The following MMP26 variants were observed in gnomAD, a reference collection of about 807,000 sequenced individuals.
MMP26 encodes matrix metallopeptidase 26.
In MMP26, 33 loss-of-function variants were observed where a neutral mutation model predicts 31.0. The observed-to-expected ratio is 1.06, with a 90% CI of 0.81 to 1.42. MMP26 has a LOEUF of 1.42. Among genes scored for constraint, MMP26 ranks in the 40% most tolerant of loss-of-function variants. MMP26 has a pLI of 0.00. For missense variants in MMP26, 347 were observed against 316.1 expected (o/e 1.10, Z -0.74); for synonymous variants, 122 against 114.9 (o/e 1.06, Z -0.40).
At chr11:4,769,919 G>T (rs762191739) in intron 2 of MMP26, 17 of 1,556,898 alleles carry the variant, frequency 1.1e-5, no homozygotes, top group Non-Finnish European at 1.2e-5. Context: ...GATTTCCATG[G>T]TGTCCTGGTT....
At chr11:4,859,434 C>G (rs905113855) in intron 2 of MMP26, among the ~76,000 whole-genome samples, 6 of 152,082 alleles carry the variant, frequency 3.9e-5, no homozygotes, top group Admixed American at 2.6e-4. Context: ...ACACACATTC[C>G]AAAATATAGT....
chr11:4,766,698 T>TCCCTCCCTCCCTCCTC (rs1848633547), intron 1 of MMP26, among the ~76,000 whole-genome samples: 1 of 93,696 alleles, frequency 1.1e-5, no homozygotes, highest in East Asian at 3.4e-4. Flanking sequence ...TTCCTTTCCC[T>TCCCTCCCTCCCTCCTC]CCCTCCCTCC....
chr11:4,723,280 C>T (rs1848044464), intron 1 of MMP26: 11 of 1,041,804 alleles, frequency 1.1e-5, no homozygotes, highest in South Asian at 2.6e-5. Flanking sequence ...CAGTCTTGTG[C>T]GCTGCGGGTC....
intron 2 of MMP26, among the ~76,000 whole-genome samples, chr11:4,794,598 C>G (rs1366806839): frequency 6.6e-6 from 1 of 152,138 alleles, no homozygotes; most frequent in Non-Finnish European, 1.5e-5. Flanking sequence ...TCATTGTCAG[C>G]TCAGGGACTC....
intron 2 of MMP26, among the ~76,000 whole-genome samples, chr11:4,880,741 G>A (rs1218028580): frequency 1.3e-5 from 2 of 152,108 alleles, no homozygotes; most frequent in Non-Finnish European, 2.9e-5. Flanking sequence ...CCAAGGGAAA[G>A]GTCCAAGCAA....
chr11:4,988,371 G>T, intron 3 of MMP26, 61 bp downstream of exon 3: 1 of 1,279,070 alleles, frequency 7.8e-7, no homozygotes, highest in Non-Finnish European at 1.1e-6. Context: ...CTTATTTCGT[G>T]TGTGTGTGTA....
intron 1 of MMP26, among the ~76,000 whole-genome samples, chr11:4,758,840 G>A (rs939490453): frequency 1.3e-5 from 2 of 152,010 alleles, no homozygotes; most frequent in Admixed American, 1.3e-4. Context: ...GGCTGGGCAT[G>A]ATGGCTCACA....
chr11:4,923,613 A>G, intron 2 of MMP26: 1 of 1,614,116 alleles, frequency 6.2e-7, no homozygotes, highest in African/African-American at 1.3e-5. Context: ...TGAGAGACAC[A>G]GGTGTTGAGG....
rs534776313 is a variant in MMP26, at chr11:4,888,460, A to T, written c.-144-99608A>T. Among the ~76,000 whole-genome samples the T allele has an allele frequency of 9.2e-5, 14 of 152,262 alleles. No homozygotes were observed. In the South Asian group the frequency reaches 2.9e-3, roughly 32 times the overall value. On this transcript the variant is annotated intron_variant, in intron 2 of 7. Coordinates refer to ENST00000380390, the MANE Select transcript of MMP26 (RefSeq NM_021801.5). The stretch of plus-strand genomic sequence containing the variant: ...CACTAGATAGTAATTTAAAATATCA[A>T]ATGCCTAAACAACCATTAAGAACCA...
At chr11:4,891,230 G>T (rs1850616961) in intron 2 of MMP26, among the ~76,000 whole-genome samples, 1 of 152,064 alleles carries the variant, frequency 6.6e-6, no homozygotes, top group African/African-American at 2.4e-5. Context: ...GGTTCTGCAG[G>T]CTCTTCTAGC....
At chr11:4,708,133 C>T (rs1286421836) in intron 1 of MMP26, among the ~76,000 whole-genome samples, 1 of 152,144 alleles carries the variant, frequency 6.6e-6, no homozygotes, top group African/African-American at 2.4e-5. Context: ...GAAGTAGGTA[C>T]ATGTCCCGAT....
At chr11:4,986,483 G>A (rs1233780517) in intron 2 of MMP26, among the ~76,000 whole-genome samples, 1 of 144,338 alleles carries the variant, frequency 6.9e-6, no homozygotes, top group African/African-American at 2.6e-5. Context: ...GAGTAGCTGG[G>A]ACAAGTGAGC....
chr11:4,806,480 G>T (rs560428263), intron 2 of MMP26, among the ~76,000 whole-genome samples: 2 of 151,966 alleles, frequency 1.3e-5, no homozygotes, highest in Non-Finnish European at 2.9e-5. Flanking sequence ...TATGTAATGG[G>T]CTTCTTTGTC....
chr11:4,749,129 A>G (rs1848416704), intron 1 of MMP26, among the ~76,000 whole-genome samples: 2 of 152,122 alleles, frequency 1.3e-5, no homozygotes, highest in Admixed American at 1.3e-4. Context: ...AAAAATCAGT[A>G]GCATTTCTAA....
rs141806558 is a variant in MMP26, at chr11:4,909,887, C to G, written c.-144-78181C>G. On this transcript the variant is annotated intron_variant, in intron 2 of 7. Transcript: ENST00000380390. ...CTCTACTGCATTCTTTGTCAACATT[C>G]TCTGTCTTACGCTTCAACAGAGTAA... 7.2e-3 allele frequency among the ~76,000 whole-genome samples: 1,090 copies of G among 152,214 alleles called. 14 individuals carry two copies. Among genetic ancestry groups the G allele is most frequent in the African/African-American group, 0.024 (981 of 41,548 alleles).
intron 2 of MMP26, among the ~76,000 whole-genome samples, chr11:4,767,893 A>C (rs920373988): frequency 6.6e-6 from 1 of 152,170 alleles, no homozygotes; most frequent in African/African-American, 2.4e-5. Context: ...CATTATATGC[A>C]ATTGACATTT....
intron 2 of MMP26, among the ~76,000 whole-genome samples, chr11:4,974,077 C>T (rs60536747): frequency 0.033 from 4,919 of 151,012 alleles, 317 homozygotes; most frequent in African/African-American, 0.11. Context: ...AACAAAAAAC[C>T]GAGAAAAAAT....
chr11:4,936,974 T>G (rs1846124409), intron 2 of MMP26, among the ~76,000 whole-genome samples: 1 of 152,136 alleles, frequency 6.6e-6, no homozygotes, highest in Non-Finnish European at 1.5e-5. Context: ...CTTGAAGAAA[T>G]AATTTAACTC....
chr11:4,772,047 C>T (rs1418171371), intron 2 of MMP26, among the ~76,000 whole-genome samples: 2 of 152,094 alleles, frequency 1.3e-5, no homozygotes, highest in Admixed American at 1.3e-4. Context: ...GAGCCATGGA[C>T]TTTATAGTAA....
Sources: allele counts gnomAD v4.1 joint callset (sites outside exome capture counted in the v4.1 genomes callset), GRCh38; gene constraint gnomAD v4.1.1; transcripts MANE v1.5; gene names NCBI Gene and HGNC (gene_info 2026-07-23, HGNC 2026-07-21).